SDC2: variants seen among roughly 807,000 people sequenced by gnomAD.
SDC2 encodes the protein syndecan-2.
In SDC2, 13 loss-of-function variants were observed where a neutral mutation model predicts 22.2. The observed-to-expected ratio is 0.59, with a 90% confidence interval of 0.38 to 0.93. SDC2 has a LOEUF of 0.93. Among genes scored for constraint, SDC2 ranks in the 40% least tolerant of loss-of-function variants. SDC2 has a pLI of 0.00. For missense variants in SDC2, 235 were observed against 246.8 expected, an observed-to-expected ratio of 0.95 and a Z score of 0.32; for synonymous variants, 94 against 92.8, an observed-to-expected ratio of 1.01 and a Z score of -0.07.
chr8:96,544,515 C>T (rs915115765), intron 1 of SDC2, among the ~76,000 whole-genome samples: 11 of 152,160 alleles, frequency 7.2e-5, no homozygotes, highest in Non-Finnish European at 1.6e-4. Context: ...TTCTAGCGAT[C>T]GCTCTTTTCT....
chr8:96,580,280 G>A (rs12543531), intron 1 of SDC2: 43,098 of 549,188 alleles, frequency 0.078, 1,886 homozygotes, highest in East Asian at 0.24. Flanking sequence ...AGCAGGAGGG[G>A]CAAGAAGCGT....
chr8:96,594,008 C>T (rs1358576757), intron 2 of SDC2, among the ~76,000 whole-genome samples: 2 of 152,184 alleles, frequency 1.3e-5, no homozygotes, highest in African/African-American at 2.4e-5. Context: ...CATAAAACCA[C>T]CTACCCTATG....
chr8:96,601,089 T>C (rs1563677534), intron 2 of SDC2, among the ~76,000 whole-genome samples: 1 of 152,102 alleles, frequency 6.6e-6, no homozygotes, highest in Admixed American at 6.5e-5. Flanking sequence ...CCAGGAACTC[T>C]TAGGAACCCA....
chr8:96,582,511 CTT>C (rs1814605734), intron 1 of SDC2, among the ~76,000 whole-genome samples: 1 of 152,144 alleles, frequency 6.6e-6, no homozygotes, highest in Non-Finnish European at 1.5e-5. Context: ...TTAAGAGAGT[CTT>C]TGAAAGTGCT....
intron 1 of SDC2, among the ~76,000 whole-genome samples, chr8:96,558,539 G>T (rs1814157536): frequency 6.6e-6 from 1 of 152,150 alleles, no homozygotes; most frequent in African/African-American, 2.4e-5. Flanking sequence ...AGAAATATTT[G>T]TTGAATAAAT....
intron 1 of SDC2, among the ~76,000 whole-genome samples, chr8:96,503,083 A>G (rs973103549): frequency 6.6e-6 from 1 of 152,188 alleles, no homozygotes; most frequent in Non-Finnish European, 1.5e-5. Flanking sequence ...CTAAAAGTGG[A>G]TGATGTGAGA....
intron 1 of SDC2, among the ~76,000 whole-genome samples, chr8:96,540,379 G>A (rs1813828593): frequency 8.5e-6 from 1 of 117,350 alleles, no homozygotes; most frequent in Admixed American, 8.7e-5. Flanking sequence ...GTGTGGCAGT[G>A]TTTGCCTGTG....
At chr8:96,558,444 A>C (rs1043671737) in intron 1 of SDC2, among the ~76,000 whole-genome samples, 2 of 152,126 alleles carry the variant, frequency 1.3e-5, no homozygotes, top group Non-Finnish European at 2.9e-5. Flanking sequence ...TTTAAGGTAA[A>C]CATACAACAC....
rs1037789613 is a variant in SDC2 at position 96,610,539 on chromosome 8, C to G, written c.*991C>G. Reference sequence around the variant, plus strand: ...AAAAAAAAAGTTGGTATTTTATAAGCACAGACAATTCTAATGGTAACTTTT... The same window carrying G: ...AAAAAAAAAGTTGGTATTTTATAAGGACAGACAATTCTAATGGTAACTTTT... On this transcript the variant is annotated 3_prime_UTR_variant, in exon 5 of 5. Transcript: ENST00000302190. The G allele has an allele frequency of 6.6e-6, 1 of 152,442 alleles. No homozygotes were observed. Among genetic ancestry groups the G allele is most frequent in the African/African-American group, 2.4e-5 (1 of 41,348 alleles). The allele number at this position is 152,442 out of a possible 1,614,324, so 9.4% of individuals were successfully genotyped here.
chr8:96,552,498 A>G (rs978756575), intron 1 of SDC2, among the ~76,000 whole-genome samples: 1 of 152,220 alleles, frequency 6.6e-6, no homozygotes. Context: ...ATCAGTTTAC[A>G]CTTTGCCATT....
chr8:96,500,984 C>T (rs947698852), intron 1 of SDC2, among the ~76,000 whole-genome samples: 1 of 152,028 alleles, frequency 6.6e-6, no homozygotes, highest in Non-Finnish European at 1.5e-5. Context: ...CAGCTGGTGG[C>T]GTGATAGCCA....
chr8:96,496,755 T>A lies in SDC2; in HGVS notation c.60+2424T>A, dbSNP rs932427083. 4.6e-5 allele frequency among the ~76,000 whole-genome samples: 7 copies of A among 152,306 alleles called. No homozygotes were observed. The Middle Eastern group carries it at 0.017, about 370-fold the overall frequency. ...GCCTACAGTTAGTGAATTCTTAAGT[T>A]TTATACTTAGCTCTGGGGGTAAAAA... On this transcript the variant is annotated intron_variant, in intron 1 of 4. Transcript: ENST00000302190.
chr8:96,502,630 C>G (rs955896611), intron 1 of SDC2, among the ~76,000 whole-genome samples: 2 of 152,096 alleles, frequency 1.3e-5, no homozygotes, highest in African/African-American at 4.8e-5. Context: ...AGCACTTGAG[C>G]CTGGTCTGAG....
chr8:96,527,336 A>T (rs149503373), intron 1 of SDC2, among the ~76,000 whole-genome samples: 1 of 152,202 alleles, frequency 6.6e-6, no homozygotes, highest in East Asian at 1.9e-4. Flanking sequence ...TGCCCTTATC[A>T]CTGCTCTTGT....
chr8:96,577,857 T>G (rs2130598875), intron 1 of SDC2, among the ~76,000 whole-genome samples: 1 of 152,316 alleles, frequency 6.6e-6, no homozygotes, highest in East Asian at 1.9e-4. Flanking sequence ...TCAGATTGGC[T>G]CCTTTCACTT....
chr8:96,609,313 G>T, intron 4 of SDC2, 72 bp from the exon 5 acceptor site: 1 of 1,265,902 alleles, frequency 7.9e-7, no homozygotes, highest in South Asian at 1.7e-5. Context: ...AAGTAGATTA[G>T]GCTTGACAAT....
intron 1 of SDC2, among the ~76,000 whole-genome samples, chr8:96,535,302 C>T (rs189774780): frequency 1.9e-4 from 29 of 152,258 alleles, no homozygotes; most frequent in Non-Finnish European, 3.8e-4. Flanking sequence ...CCACTGTGCC[C>T]GGCCCCAAAT....
At chr8:96,580,380 G>T in intron 1 of SDC2, 1 of 985,424 alleles carries the variant, frequency 1.0e-6, no homozygotes, top group African/African-American at 1.7e-5. Context: ...CCAAAGCCAG[G>T]TATGTCCAGT....
chr8:96,494,211 AG>A lies in SDC2; in HGVS notation c.-59del. 1.3e-6 allele frequency: 2 copies of A among 1,493,314 alleles called. No individual in the cohort carries two copies. The highest frequency in any genetic ancestry group is 1.8e-6 in the Non-Finnish European group (2 of 1,106,588). The allele number at this position is 1,493,314 out of a possible 1,614,324, so 92.5% of individuals were successfully genotyped here. On this transcript the variant is annotated 5_prime_UTR_variant, in exon 1 of 5. Transcript: ENST00000302190. Reference sequence around the variant, plus strand: ...GCGCGGGCTGCGCCGAGCGCTGGGCAGGAGGCTTCGTTTTGCCCTGGTTGCA... The same window carrying A: ...GCGCGGGCTGCGCCGAGCGCTGGGCAGAGGCTTCGTTTTGCCCTGGTTGCA...
Sources: allele counts gnomAD v4.1 joint callset (sites outside exome capture counted in the v4.1 genomes callset), GRCh38; gene constraint gnomAD v4.1.1; transcripts MANE v1.5; gene names NCBI Gene and HGNC (gene_info 2026-07-23, HGNC 2026-07-21).